CYBB: variants seen among roughly 807,000 people sequenced by gnomAD.
CYBB encodes cytochrome b-245 beta chain.
In CYBB, 5 loss-of-function variants were observed where a neutral mutation model predicts 46.5. The ratio of observed to expected loss-of-function variants is 0.11; its 90% CI spans 0.06 to 0.23. The LOEUF (loss-of-function observed/expected upper bound fraction) is 0.23, where lower values mean the gene tolerates loss of function less well. CYBB is among the 10% of genes least tolerant of loss of function. CYBB has a pLI of 1.00. For synonymous variants in CYBB, 183 were observed against 156.7 expected (o/e 1.17, Z -1.26); for missense variants, 307 against 428.3 (o/e 0.72, Z 2.50).
intron 10 of CYBB, 59 bp downstream of exon 10, chrX:37,805,227 G>A (rs1163207539): frequency 8.9e-7 from 1 of 1,120,257 alleles, no homozygotes; most frequent in Non-Finnish European, 1.2e-6. Flanking sequence ...GCCATGTGAG[G>A]CCTGAGAGTG....
rs1276521609 is a variant in CYBB, at chrX:37,813,239, A to C, written c.*2322A>C. On this transcript the variant is annotated 3_prime_UTR_variant, in exon 13 of 13. Coordinates refer to ENST00000378588, the MANE Select transcript of CYBB (RefSeq NM_000397.4). ...TTTTTTTTTTTTTTTTTTAGCACTT[A>C]GTATTTAGCATTTATTAACAGGTAC... 1.5e-5 allele frequency: 1 copy of C among 68,632 alleles called. No individual in the cohort carries two copies. Among genetic ancestry groups the C allele is most frequent in the Non-Finnish European group, 2.6e-5 (1 of 38,239 alleles). The allele number at this position is 68,632 out of a possible 1,213,427, so 5.7% of individuals were successfully genotyped here.
intron 11 of CYBB, among the ~76,000 whole-genome samples, chrX:37,809,149 T>G (rs1406464037): frequency 8.9e-6 from 1 of 112,278 alleles, no homozygotes; most frequent in Non-Finnish European, 1.9e-5. Context: ...CATCTCTTAG[T>G]AATTCTCCCA....
chrX:37,806,805 T>G (rs1929570771), intron 11 of CYBB, among the ~76,000 whole-genome samples: 1 of 110,866 alleles, frequency 9.0e-6, no homozygotes, highest in African/African-American at 3.3e-5. Flanking sequence ...ACCAGGTGAT[T>G]GAGATGATGC....
chrX:37,796,066 C>A lies in CYBB; in HGVS notation c.599C>A (p.Ser200Tyr). Residue 200 changes from serine to tyrosine, a missense_variant, in exon 6 of 13, where the codon TCT becomes TAT. By Grantham distance (144) the Ser-to-Tyr change is moderately radical. Transcript: ENST00000378588. ...ITSSTKTIRR[S>Y]YFEVFWYTHH... ...TCCTCCACCAAAACCATCCGGAGGT[C>A]TTACTTTGAAGTCTTTTGGTACACA... 8.3e-7 allele frequency: 1 copy of A among 1,209,680 alleles called. No individual in the cohort carries two copies.
At chrX:37,788,676 G>A (rs1383470765) in intron 3 of CYBB, among the ~76,000 whole-genome samples, 3 of 111,233 alleles carry the variant, frequency 2.7e-5, no homozygotes, top group African/African-American at 9.8e-5. Context: ...GGCTAGGTGG[G>A]AGGACTGGGA....
In CYBB at chrX:37,782,877, T is replaced by C. The variant is rs374034659; in HGVS notation, c.142-613T>C. On this transcript the variant is annotated intron_variant, in intron 2 of 12. Transcript: ENST00000378588. Reference sequence around the variant, plus strand: ...TATAATTATGCTAGATCATTATAATTGTTGTTAGCTTATTCACATTGATGC... The same window carrying C: ...TATAATTATGCTAGATCATTATAATCGTTGTTAGCTTATTCACATTGATGC... Among the ~76,000 whole-genome samples the C allele has an allele frequency of 3.6e-5, 4 of 111,802 alleles. No homozygotes were observed. In the East Asian group the frequency reaches 8.4e-4, roughly 23 times the overall value.
chrX:37,804,211 C>G (rs190517383), intron 9 of CYBB, 81 bp downstream of exon 9: 2 of 1,020,068 alleles, frequency 2.0e-6, no homozygotes, highest in East Asian at 6.2e-5. Context: ...CCATGTTTTA[C>G]TAAGTCTCCA....
intron 6 of CYBB, among the ~76,000 whole-genome samples, chrX:37,797,351 T>C (rs1929335298): frequency 8.9e-6 from 1 of 111,878 alleles, no homozygotes; most frequent in Non-Finnish European, 1.9e-5. Flanking sequence ...TCTTCCCCTC[T>C]CCAATTTAGT....
At chrX:37,790,812 T>C (rs1556466779) in intron 3 of CYBB, among the ~76,000 whole-genome samples, 1 of 111,765 alleles carries the variant, frequency 8.9e-6, no homozygotes, top group African/African-American at 3.3e-5. Flanking sequence ...ATATTTTAAG[T>C]ACATAAATTT....
intron 6 of CYBB, 46 bp downstream of exon 6, chrX:37,796,187 T>A (rs1273536092): frequency 7.4e-6 from 8 of 1,083,114 alleles, no homozygotes; most frequent in Non-Finnish European, 9.0e-6. Flanking sequence ...TCCCTCAATT[T>A]CTAGGCAGGA....
chrX:37,791,544 T>C (rs1556466958), intron 3 of CYBB, among the ~76,000 whole-genome samples: 1 of 112,061 alleles, frequency 8.9e-6, no homozygotes, highest in African/African-American at 3.2e-5. Flanking sequence ...TTGAAAACTA[T>C]TCACTTGTTC....
intron 9 of CYBB, 147 bp downstream of exon 9, chrX:37,804,277 T>C (rs1929506743): frequency 1.8e-6 from 1 of 550,143 alleles, no homozygotes. Context: ...CACCGTTTCA[T>C]ATGTGTAGTG....
At chrX:37,786,716 C>A (rs1295940265) in intron 3 of CYBB, among the ~76,000 whole-genome samples, 3 of 111,042 alleles carry the variant, frequency 2.7e-5, no homozygotes, top group African/African-American at 9.8e-5. Flanking sequence ...TAAAAACCCC[C>A]AACTTGCCAT....
chrX:37,810,718 G>A (rs149068464), intron 12 of CYBB, 73 bp from the exon 13 acceptor site: 14,982 of 1,123,058 alleles, frequency 0.013, 84 homozygotes, highest in Non-Finnish European at 0.016. Context: ...AAATTAACGG[G>A]AAATTCACCT....
rs34834015 is a variant in CYBB at position 37,805,187 on chromosome X, C to T, written c.1314+19C>T. The T allele has an allele frequency of 8.1e-3, 9,772 of 1,203,163 alleles. 466 individuals are homozygous for T. In the African/African-American group the frequency reaches 0.14, roughly 18 times the overall value. Reference sequence around the variant, plus strand: ...CAAAAAGGTAAGTCCTTTCATTTATCGGAGGGCCTTAGAGCAGTAACCATA... The same window carrying T: ...CAAAAAGGTAAGTCCTTTCATTTATTGGAGGGCCTTAGAGCAGTAACCATA... On this transcript the variant is annotated intron_variant, in intron 10 of 12. Transcript: ENST00000378588.
chrX:37,810,971 A>G lies in CYBB; in HGVS notation c.*54A>G. On this transcript the variant is annotated 3_prime_UTR_variant, in exon 13 of 13. Transcript: ENST00000378588. ...GGGTTGTGCTGCCAAATGCTCAAAT[A>G]ATGCTAATTGATAATATAAATACCC... The G allele has an allele frequency of 9.2e-7, 1 of 1,088,109 alleles. No individual in the cohort carries two copies. The allele number at this position is 1,088,109 out of a possible 1,213,427, so 89.7% of individuals were successfully genotyped here.
intron 7 of CYBB, 133 bp from the exon 8 acceptor site, chrX:37,801,123 T>C: frequency 1.9e-6 from 1 of 518,989 alleles, no homozygotes; most frequent in Non-Finnish European, 3.5e-6. Flanking sequence ...TAGAAGAAAT[T>C]TATTTATCTA....
rs886275322 is a variant in CYBB at position 37,789,457 on chromosome X, G to A, written c.253-2518G>A. On this transcript the variant is annotated intron_variant, in intron 3 of 12. Coordinates refer to ENST00000378588, the MANE Select transcript of CYBB (RefSeq NM_000397.4). Reference sequence around the variant, plus strand: ...AGGAAATTAAGTTGAAATTTAAGAAGCCAAAGAAAGAAAGAAGGAAAGAAA... The same window carrying A: ...AGGAAATTAAGTTGAAATTTAAGAAACCAAAGAAAGAAAGAAGGAAAGAAA... 6.0e-4 allele frequency among the ~76,000 whole-genome samples: 56 copies of A among 93,134 alleles called. 1 individual carries two copies. Among genetic ancestry groups the A allele is most frequent in the African/African-American group, 2.0e-3 (50 of 24,818 alleles). 80.9% of individuals were successfully genotyped at this position (93,134 alleles called of 115,157 possible).
Position 37,812,005 on chromosome X carries a change from A to G in CYBB, c.*1088A>G, listed in dbSNP as rs1929686161. The G allele has an allele frequency of 1.8e-5, 2 of 112,086 alleles. No homozygotes were observed. Among genetic ancestry groups the G allele is most frequent in the African/African-American group, 6.5e-5 (2 of 30,797 alleles). The allele number at this position is 112,086 out of a possible 1,213,427, so 9.2% of individuals were successfully genotyped here. ...AACTTAGGAATTGTGACAAATATGT[A>G]TCTGATATGGTCATTTGTTTTAAAT... On this transcript the variant is annotated 3_prime_UTR_variant, in exon 13 of 13. Transcript: ENST00000378588.
Sources: gnomAD v4.1 joint callset for allele counts (sites outside exome capture counted in the v4.1 genomes callset) on GRCh38, gnomAD v4.1.1 for gene constraint, MANE v1.5 for transcripts, NCBI Gene and HGNC (gene_info 2026-07-23, HGNC 2026-07-21) for gene names.